CDKL1: variants seen among roughly 807,000 people sequenced by gnomAD.
CDKL1 encodes cyclin dependent kinase like 1.
CDKL1 carries 41 observed loss-of-function variants against 42.0 expected under a neutral mutation model. The observed-to-expected ratio is 0.98, with a 90% confidence interval of 0.76 to 1.27. The LOEUF (loss-of-function observed/expected upper bound fraction) is 1.27, where lower values mean the gene tolerates loss of function less well. Among genes scored for constraint, CDKL1 ranks in the 50% most tolerant of loss-of-function variants. The pLI is 0.00. For missense variants in CDKL1, 394 were observed against 428.4 expected, an observed-to-expected ratio of 0.92 and a Z score of 0.71; for synonymous variants, 153 against 158.6, an observed-to-expected ratio of 0.96 and a Z score of 0.26.
chr14:50,343,842 C>T (rs1347773690), intron 4 of CDKL1, among the ~76,000 whole-genome samples: 1 of 152,136 alleles, frequency 6.6e-6, no homozygotes, highest in Non-Finnish European at 1.5e-5. Context: ...GTCCACTCTC[C>T]CCTGTGTATT....
chr14:50,361,323 T>C (rs1298738093), intron 2 of CDKL1, among the ~76,000 whole-genome samples: 1 of 152,242 alleles, frequency 6.6e-6, no homozygotes, highest in Non-Finnish European at 1.5e-5. Flanking sequence ...ATTTTCAAGA[T>C]GTGAAATTCC....
intron 5 of CDKL1, among the ~76,000 whole-genome samples, chr14:50,341,510 G>A (rs1157402306): frequency 2.0e-5 from 3 of 150,930 alleles, no homozygotes; most frequent in African/African-American, 7.3e-5. Context: ...TGGGCACAGC[G>A]GCTCACACTT....
intron 7 of CDKL1, chr14:50,336,354 G>C (rs2033276784): frequency 2.3e-6 from 2 of 855,144 alleles, no homozygotes; most frequent in Non-Finnish European, 1.6e-6. Context: ...GGTTATTTCT[G>C]AGGCTTCACC....
In CDKL1 at chr14:50,326,356, A is replaced by T. The variant is rs1248207509; in HGVS notation, c.*3718T>A. On this transcript the variant is annotated 3_prime_UTR_variant, in exon 10 of 10. Coordinates refer to ENST00000395834, the MANE Select transcript of CDKL1 (RefSeq NM_004196.7). ...TCCTTTAAAGTTATTTGTACAACAG[A>T]TGTTTTTATTATAACAGTAATTTAC... 1.1e-5 allele frequency: 9 copies of T among 847,538 alleles called. No individual in the cohort carries two copies. In the East Asian group the frequency reaches 8.6e-4, roughly 81 times the overall value. The allele number at this position is 847,538 out of a possible 1,614,324, so 52.5% of individuals were successfully genotyped here.
In CDKL1 at chr14:50,332,350, A is replaced by T. The variant is rs1595244382; in HGVS notation, c.878T>A (p.Ile293Lys). The part of the protein sequence containing the change: ...HHPYFENIRE[I>K]EDLAKEHNKP... ...GTTGTGTTCTTTTGCCAAATCCTCT[A>T]TTTCTCTGATGTTTTCAAAATATGG... The change falls in exon 9 of 10, where the codon ATA becomes AAA. Residue 293 changes from isoleucine (I) to lysine (K), a missense_variant. Ile to Lys is a moderately radical substitution (Grantham distance 102). Transcript: ENST00000395834. 6.2e-7 allele frequency: 1 copy of T among 1,613,956 alleles called. No homozygotes were observed. The highest frequency in any genetic ancestry group is 2.2e-5 in the East Asian group (1 of 44,874).
At chr14:50,372,763 C>T (rs1349537865) in intron 2 of CDKL1, among the ~76,000 whole-genome samples, 2 of 152,074 alleles carry the variant, frequency 1.3e-5, no homozygotes, top group African/African-American at 4.8e-5. Flanking sequence ...TCCAGTTTTC[C>T]CAACATCTTT....
chr14:50,368,023 AT>A lies in CDKL1; in HGVS notation c.169-8875del, dbSNP rs143936273. 8.4e-3 allele frequency among the ~76,000 whole-genome samples: 1,284 copies of A among 152,316 alleles called. 28 individuals are homozygous for A. Among genetic ancestry groups the A allele is most frequent in the Admixed American group, 0.048 (732 of 15,304 alleles). ...ACCCAGGTGGGAATGCAGTGGTGCA[AT>A]CACAGCTCACAGCAGCCACGAACTC... On this transcript the variant is annotated intron_variant, in intron 2 of 9. Coordinates refer to ENST00000395834, the MANE Select transcript of CDKL1 (RefSeq NM_004196.7).
chr14:50,358,900 AAAG>A (rs1350170655), intron 3 of CDKL1, 125 bp downstream of exon 3: 1 of 870,230 alleles, frequency 1.1e-6, no homozygotes, highest in Non-Finnish European at 1.8e-6. Flanking sequence ...TAGGCCTCCC[AAAG>A]TGCTGGGATT....
At chr14:50,335,992 C>T (rs1191832782) in intron 7 of CDKL1, 2 of 1,366,820 alleles carry the variant, frequency 1.5e-6, no homozygotes, top group Non-Finnish European at 2.0e-6. Context: ...CATACTTCCA[C>T]TCATGCTCCA....
At position 50,326,658 on chromosome 14, in the gene CDKL1, T is replaced by G. The variant is rs1019948226; in HGVS notation, c.*3416A>C. On this transcript the variant is annotated 3_prime_UTR_variant, in exon 10 of 10. Coordinates refer to ENST00000395834, the MANE Select transcript of CDKL1 (RefSeq NM_004196.7). Reference sequence around the variant, plus strand: ...TTTATTAAAACTGGACATAGATACTTGGCTGAATACAAATAGTTTTGCAGA... The same window carrying G: ...TTTATTAAAACTGGACATAGATACTGGGCTGAATACAAATAGTTTTGCAGA... 2.0e-5 allele frequency: 20 copies of G among 985,242 alleles called. No individual in the cohort carries two copies. The highest frequency in any genetic ancestry group is 2.3e-5 in the Non-Finnish European group (19 of 829,858). The allele number at this position is 985,242 out of a possible 1,614,324, so 61.0% of individuals were successfully genotyped here. A position where few individuals can be genotyped will look rare whatever the true frequency, so the allele number is the denominator to read the frequency against.
intron 2 of CDKL1, among the ~76,000 whole-genome samples, chr14:50,365,712 G>T: frequency 6.6e-6 from 1 of 152,160 alleles, no homozygotes; most frequent in East Asian, 1.9e-4. Flanking sequence ...TGTCTGTGAG[G>T]GTGTTGCCAA....
At chr14:50,380,152 A>C (rs2034861623) in intron 2 of CDKL1, 1 of 529,592 alleles carries the variant, frequency 1.9e-6, no homozygotes, top group Non-Finnish European at 3.9e-6. Flanking sequence ...ATATGGCAGA[A>C]AGGGCCAAAC....
In CDKL1 at chr14:50,395,726, G is replaced by A; in HGVS notation, c.143C>T (p.Ala48Val). The A allele has an allele frequency of 6.2e-7, 1 of 1,612,388 alleles. No homozygotes were observed. The highest frequency in any genetic ancestry group is 1.7e-4 in the Middle Eastern group (1 of 6,060). Residue 48 changes from alanine (A) to valine (V), a missense_variant, in exon 2 of 10, where the codon GCC becomes GTC. Coordinates refer to ENST00000395834, the MANE Select transcript of CDKL1 (RefSeq NM_004196.7). ...CTTGAGCATTCGGATTTCCCGAAGG[G>A]CAATTTTCTTTATGACAGGGTCATC... ...SEDDPVIKKI[A>V]LREIRMLKQL...
intron 2 of CDKL1, chr14:50,390,263 C>T (rs374954846): frequency 2.4e-5 from 33 of 1,366,234 alleles, no homozygotes; most frequent in Middle Eastern, 2.1e-4. Context: ...TATATTTTAA[C>T]GCCCCCATAC....
chr14:50,387,365 T>C (rs1317735031), intron 2 of CDKL1, among the ~76,000 whole-genome samples: 1 of 151,746 alleles, frequency 6.6e-6, no homozygotes. Flanking sequence ...CTACTAAAAA[T>C]ACAAGAAATT....
In CDKL1 at chr14:50,341,337, C is replaced by G; in HGVS notation, c.455-105G>C. On this transcript the variant is annotated intron_variant, in intron 5 of 9. Coordinates refer to ENST00000395834, the MANE Select transcript of CDKL1 (RefSeq NM_004196.7). Reference sequence around the variant, plus strand: ...GCCTGTGCCCAATTTTGTGGCCTTTCTATATCGCTGGTTCTCAATTCTAGT... The same window carrying G: ...GCCTGTGCCCAATTTTGTGGCCTTTGTATATCGCTGGTTCTCAATTCTAGT... The G allele has an allele frequency of 1.1e-5, 16 of 1,407,650 alleles. No individual in the cohort carries two copies. The South Asian group carries it at 2.5e-4, about 22-fold the overall frequency. The allele number at this position is 1,407,650 out of a possible 1,614,324, so 87.2% of individuals were successfully genotyped here.
chr14:50,377,070 G>T (rs1156628947), intron 2 of CDKL1, among the ~76,000 whole-genome samples: 1 of 152,194 alleles, frequency 6.6e-6, no homozygotes. Flanking sequence ...GAACAGCAAG[G>T]AGGTCAGTGT....
At chr14:50,355,316 T>C (rs1232739678) in intron 3 of CDKL1, among the ~76,000 whole-genome samples, 5 of 152,206 alleles carry the variant, frequency 3.3e-5, no homozygotes, top group African/African-American at 1.2e-4. Flanking sequence ...TATTTTCTTA[T>C]GGTAAATTGT....
At chr14:50,332,059 G>T in intron 9 of CDKL1, 2 of 1,545,350 alleles carry the variant, frequency 1.3e-6, no homozygotes, top group Non-Finnish European at 8.7e-7. Flanking sequence ...TCAGGAAGCA[G>T]CAGGACAAGG....
Sources: gnomAD v4.1 joint callset for allele counts (sites outside exome capture counted in the v4.1 genomes callset) on GRCh38, gnomAD v4.1.1 for gene constraint, MANE v1.5 for transcripts, NCBI Gene and HGNC (gene_info 2026-07-23, HGNC 2026-07-21) for gene names.